The following GALM variants were observed in gnomAD, a reference collection of about 807,000 sequenced individuals.
GALM encodes aldose 1-epimerase.
Under a neutral mutation model 37.4 loss-of-function variants are expected in GALM, and 43 were observed. The ratio of observed to expected loss-of-function variants is 1.15; its 90% CI spans 0.90 to 1.48. The LOEUF (loss-of-function observed/expected upper bound fraction) is 1.48. Ranked by LOEUF, GALM falls within the 40% of genes most tolerant of loss-of-function variation. The pLI is 0.00. For missense variants in GALM, 456 were observed against 419.1 expected (o/e 1.09, Z -0.77); for synonymous variants, 199 against 170.6 (o/e 1.17, Z -1.30).
intron 2 of GALM, among the ~76,000 whole-genome samples, chr2:38,679,233 C>T (rs1665334971): frequency 1.3e-5 from 2 of 152,118 alleles, no homozygotes; most frequent in African/African-American, 4.8e-5. Flanking sequence ...GTGATCTGCC[C>T]GCCTTGGCCT....
chr2:38,710,882 T>C (rs1297224871), intron 4 of GALM, among the ~76,000 whole-genome samples: 1 of 150,578 alleles, frequency 6.6e-6, no homozygotes, highest in Non-Finnish European at 1.5e-5. Context: ...GCCTCCCGAG[T>C]AGCTGGGATT....
At chr2:38,698,341 G>C in intron 4 of GALM, 1 of 1,287,598 alleles carries the variant, frequency 7.8e-7, no homozygotes, top group African/African-American at 1.5e-5. Flanking sequence ...TTGCTCACAG[G>C]TGCTTCTTTC....
At chr2:38,724,172 G>T (rs1047071816) in intron 4 of GALM, among the ~76,000 whole-genome samples, 1 of 152,124 alleles carries the variant, frequency 6.6e-6, no homozygotes, top group Admixed American at 6.5e-5. Flanking sequence ...GTCCATCTCG[G>T]CCTCCCAAAG....
At chr2:38,709,213 C>T (rs1666103370) in intron 4 of GALM, among the ~76,000 whole-genome samples, 1 of 152,146 alleles carries the variant, frequency 6.6e-6, no homozygotes, top group Admixed American at 6.5e-5. Flanking sequence ...AGGGGCCTGG[C>T]AGTCCCAGGA....
At chr2:38,721,907 A>G (rs1666383037) in intron 4 of GALM, among the ~76,000 whole-genome samples, 1 of 152,082 alleles carries the variant, frequency 6.6e-6, no homozygotes, top group East Asian at 1.9e-4. Context: ...TGTCTTTGCA[A>G]CCTTCCATGA....
rs149807829 is a variant in GALM at position 38,728,026 on chromosome 2, C to T, written c.635-1530C>T. On this transcript the variant is annotated intron_variant, in intron 4 of 6. Coordinates refer to ENST00000272252, the MANE Select transcript of GALM (RefSeq NM_138801.3). ...ACATGAAAGGGAAAAATAATTATCA[C>T]CCTAAAAGAGTATGTTAACCTCCTA... is the stretch of plus-strand genomic sequence containing the variant. Among the ~76,000 whole-genome samples, 43 of 152,296 alleles carry T rather than the reference C, an allele frequency of 2.8e-4. No individual in the cohort carries two copies. In the East Asian group the frequency reaches 7.9e-3, roughly 28 times the overall value.
intron 4 of GALM, among the ~76,000 whole-genome samples, chr2:38,705,825 G>T (rs932095656): frequency 2.0e-5 from 3 of 152,112 alleles, no homozygotes; most frequent in Admixed American, 6.5e-5. Flanking sequence ...GGGCCATGCC[G>T]ATGAGCTGGG....
chr2:38,699,495 C>T (rs1206225752), intron 4 of GALM, among the ~76,000 whole-genome samples: 1 of 152,056 alleles, frequency 6.6e-6, no homozygotes, highest in African/African-American at 2.4e-5. Flanking sequence ...CACTTATTCC[C>T]CCTATCTAGC....
At chr2:38,688,898 G>A (rs189492399) in intron 3 of GALM, among the ~76,000 whole-genome samples, 467 of 152,230 alleles carry the variant, frequency 3.1e-3, no homozygotes, top group African/African-American at 0.01. Flanking sequence ...TTGGCTCACC[G>A]CAACCTCCAC....
Position 38,675,140 on chromosome 2 carries a change from A to G in GALM, c.191-772A>G, listed in dbSNP as rs142061124. ...CAGTTAGCCGAGATGGGGCCACTGC[A>G]CTCCAGCCTGGGCAACAGAGTGAGA... On this transcript the variant is annotated intron_variant, in intron 1 of 6. Transcript: ENST00000272252. Among the ~76,000 whole-genome samples, 548 of 152,212 alleles carry G rather than the reference A, an allele frequency of 3.6e-3. 6 individuals carry two copies. Among genetic ancestry groups the G allele is most frequent in the African/African-American group, 0.013 (522 of 41,516 alleles).
rs919572152 is a variant in GALM at position 38,729,889 on chromosome 2, G to A, written c.776+192G>A. Among the ~76,000 whole-genome samples the A allele has an allele frequency of 2.0e-5, 3 of 152,032 alleles. No individual in the cohort carries two copies. In the East Asian group the frequency reaches 5.8e-4, roughly 29 times the overall value. ...TAGAATTTATCCCAGTCCCCCACCT[G>A]CCATTACCCCTATTCCCCCTGCTTG... is the stretch of plus-strand genomic sequence containing the variant. On this transcript the variant is annotated intron_variant, in intron 5 of 6. Coordinates refer to ENST00000272252, the MANE Select transcript of GALM (RefSeq NM_138801.3).
At chr2:38,672,005 C>CA (rs534598505) in intron 1 of GALM, among the ~76,000 whole-genome samples, 30 of 150,596 alleles carry the variant, frequency 2.0e-4, no homozygotes, top group East Asian at 3.9e-4. Flanking sequence ...AAAACAAAAA[C>CA]AAAAAAAACC....
At chr2:38,731,567 G>C (rs1006219900) in intron 5 of GALM, among the ~76,000 whole-genome samples, 168 bp from the exon 6 acceptor site, 2 of 152,000 alleles carry the variant, frequency 1.3e-5, no homozygotes, top group African/African-American at 2.4e-5. Flanking sequence ...CCTTGCCTTT[G>C]AGACTGGAAG....
rs1331830662 is a variant in GALM at position 38,733,523 on chromosome 2, G to A, written c.987G>A (p.Glu329=). 1.2e-6 allele frequency: 2 copies of A among 1,614,074 alleles called. No homozygotes were observed. The highest frequency in any genetic ancestry group is 8.5e-7 in the Non-Finnish European group (1 of 1,179,948). ...CTCCTGTGCTGCTGAGGCCTGGTGAGGAGTATGACCACACCACCTGGTTCA... is the reference window on the plus strand; with the variant it reads ...CTCCTGTGCTGCTGAGGCCTGGTGAAGAGTATGACCACACCACCTGGTTCA... The part of the protein sequence containing the change: ...RFPPVLLRPG[E]EYDHTTWFKF... The change falls in exon 7 of 7, where the codon GAG becomes GAA. Residue 329 remains glutamate (E), a synonymous_variant. Coordinates refer to ENST00000272252, the MANE Select transcript of GALM (RefSeq NM_138801.3).
chr2:38,727,141 A>G (rs867667148), intron 4 of GALM, among the ~76,000 whole-genome samples: 1 of 150,560 alleles, frequency 6.6e-6, no homozygotes. Context: ...ACTTGAACCC[A>G]GGAGGCAGAG....
rs1372135547 is a variant in GALM at position 38,729,697 on chromosome 2, G to C, written c.776G>C (p.Arg259Thr). Residue 259 changes from arginine to threonine, a missense_variant and splice_region_variant, in exon 5 of 7, where the codon AGG becomes ACG. By Grantham distance (71) the Arg-to-Thr change is moderately conservative (BLOSUM62 -1). Coordinates refer to ENST00000272252, the MANE Select transcript of GALM (RefSeq NM_138801.3). ...TCTAAAGAAAAGCATTTTTGTGCAAGGTCAGGTACTTTTCACTTCCTGAGT... is the reference window on the plus strand; with the variant it reads ...TCTAAAGAAAAGCATTTTTGTGCAACGTCAGGTACTTTTCACTTCCTGAGT... ...KGSKEKHFCA[R>T]VHHAASGRVL... 6.2e-7 allele frequency: 1 copy of C among 1,610,924 alleles called. No individual in the cohort carries two copies. The highest frequency in any genetic ancestry group is 1.1e-5 in the South Asian group (1 of 90,770).
chr2:38,707,765 G>A (rs1666060122), intron 4 of GALM, among the ~76,000 whole-genome samples: 1 of 152,108 alleles, frequency 6.6e-6, no homozygotes, highest in Non-Finnish European at 1.5e-5. Context: ...AGGATCACTT[G>A]AGGCCAGGAG....
chr2:38,714,671 A>C (rs1025738705), intron 4 of GALM, among the ~76,000 whole-genome samples: 1 of 152,258 alleles, frequency 6.6e-6, no homozygotes, highest in Non-Finnish European at 1.5e-5. Context: ...AAAAGAAGAA[A>C]AACAGCAAAA....
Position 38,675,544 on chromosome 2 carries a change from TGTGTGTGTGTGTGTGTGTGTG to T in GALM, c.191-367_191-347del, listed in dbSNP as rs1468314879. Among the ~76,000 whole-genome samples, 66 of 54,722 alleles carry T rather than the reference TGTGTGTGTGTGTGTGTGTGTG, an allele frequency of 1.2e-3. 3 individuals carry two copies. Among genetic ancestry groups the T allele is most frequent in the Middle Eastern group, 8.8e-3 (1 of 114 alleles). 35.9% of individuals were successfully genotyped at this position (54,722 alleles called of 152,430 possible). On this transcript the variant is annotated intron_variant, in intron 1 of 6. Coordinates refer to ENST00000272252, the MANE Select transcript of GALM (RefSeq NM_138801.3). ...TTTTTTTGTTTTTTTTTTTTTTTTT[TGTGTGTGTGTGTGTGTGTGTG>T]TGTGTGTGTGTGTGTGTGTGTGTGA...
Sources: gnomAD v4.1 joint callset for allele counts (sites outside exome capture counted in the v4.1 genomes callset) on GRCh38, gnomAD v4.1.1 for gene constraint, MANE v1.5 for transcripts, NCBI Gene and HGNC (gene_info 2026-07-23, HGNC 2026-07-21) for gene names.